Variants in ZNF429 observed in about 807,000 individuals in gnomAD.
ZNF429 encodes the protein zinc finger protein 429.
In ZNF429, 53 loss-of-function variants were observed where a neutral mutation model predicts 56.8. The observed-to-expected ratio is 0.93, with a 90% confidence interval of 0.75 to 1.17. The LOEUF (loss-of-function observed/expected upper bound fraction) is 1.17. Ranked by LOEUF, ZNF429 falls within the 50% of genes most tolerant of loss-of-function variation. ZNF429 has a pLI of 0.00. For synonymous variants in ZNF429, 278 were observed against 264.7 expected (o/e 1.05, Z -0.49); for missense variants, 849 against 788.4 (o/e 1.08, Z -0.92).
At chr19:21,507,851 C>T (rs1008055984) in intron 1 of ZNF429, among the ~76,000 whole-genome samples, 11 of 152,246 alleles carry the variant, frequency 7.2e-5, no homozygotes, top group African/African-American at 2.2e-4. Context: ...TCACCCAGCC[C>T]GACTTTCCTT....
intron 1 of ZNF429, among the ~76,000 whole-genome samples, chr19:21,508,270 A>G (rs2032282347): frequency 6.6e-6 from 1 of 152,100 alleles, no homozygotes; most frequent in Non-Finnish European, 1.5e-5. Flanking sequence ...TGATATCTCA[A>G]AAGACAAAAG....
At chr19:21,506,246 TC>T (rs1393185396) in intron 1 of ZNF429, among the ~76,000 whole-genome samples, 1 of 151,968 alleles carries the variant, frequency 6.6e-6, no homozygotes, top group Non-Finnish European at 1.5e-5. Flanking sequence ...ATCACTGAGG[TC>T]CGGCATTCGA....
chr19:21,517,310 C>G (rs2032790281), intron 1 of ZNF429, among the ~76,000 whole-genome samples: 1 of 152,172 alleles, frequency 6.6e-6, no homozygotes. Flanking sequence ...AGCAGATTAG[C>G]TTGTTGATGT....
rs200312692 is a variant in ZNF429 at position 21,537,430 on chromosome 19, C to T, written c.1377C>T (p.Gly459=). Residue 459 remains glycine (G), a synonymous_variant, in exon 4 of 4, where the codon GGC becomes GGT. Coordinates refer to ENST00000358491, the MANE Select transcript of ZNF429 (RefSeq NM_001001415.4). ...AACCCTATAAATGTAACGAATGTGG[C>T]AAAGCTTTTAACCGGTCCTCACACC... The part of the protein sequence containing the change: ...EEKPYKCNEC[G]KAFNRSSHLT... 1.2e-6 allele frequency: 2 copies of T among 1,613,606 alleles called. No individual in the cohort carries two copies. The highest frequency in any genetic ancestry group is 4.5e-5 in the East Asian group (2 of 44,842).
intron 3 of ZNF429, among the ~76,000 whole-genome samples, chr19:21,535,420 CTTTCTTTCTTTCTTTCTTTCT>C: frequency 0.045 from 285 of 6,344 alleles, 50 homozygotes; most frequent in Middle Eastern, 0.25. Context: ...TCTTTTCTTT[CTTTCTTTCTTTCTTTCTTTCT>C]TTCTTTCTTT....
At chr19:21,517,529 A>C (rs1368777007) in intron 1 of ZNF429, among the ~76,000 whole-genome samples, 3 of 152,030 alleles carry the variant, frequency 2.0e-5, no homozygotes, top group Admixed American at 6.5e-5. Context: ...TTCTTTGTAC[A>C]TCTAGTAGAA....
intron 1 of ZNF429, among the ~76,000 whole-genome samples, chr19:21,511,726 G>C (rs1478335471): frequency 6.6e-6 from 1 of 151,870 alleles, no homozygotes. Context: ...CAAGGCAGGC[G>C]GCTGGAAGGT....
At chr19:21,520,278 C>T (rs866786886) in intron 1 of ZNF429, among the ~76,000 whole-genome samples, 5 of 152,164 alleles carry the variant, frequency 3.3e-5, no homozygotes, top group Non-Finnish European at 5.9e-5. Context: ...CCAGTGTCTC[C>T]TAAAATTCAG....
intron 1 of ZNF429, among the ~76,000 whole-genome samples, chr19:21,511,820 A>G (rs958148960): frequency 2.6e-5 from 4 of 152,162 alleles, no homozygotes; most frequent in African/African-American, 4.8e-5. Flanking sequence ...TCCTTCTGCA[A>G]TCCCGGCACC....
intron 1 of ZNF429, among the ~76,000 whole-genome samples, chr19:21,515,061 C>T (rs1178931772): frequency 6.6e-6 from 1 of 152,116 alleles, no homozygotes; most frequent in Non-Finnish European, 1.5e-5. Flanking sequence ...CTGCCTCAGC[C>T]TCCCAAGTAG....
rs35176838 is a variant in ZNF429 at position 21,529,613 on chromosome 19, TTC to T, written c.4-37_4-36del. 6.3e-6 allele frequency: 9 copies of T among 1,426,036 alleles called. No homozygotes were observed. The East Asian group carries it at 1.6e-4, about 25-fold the overall frequency. The allele number at this position is 1,426,036 out of a possible 1,614,324, so 88.3% of individuals were successfully genotyped here. A position where few individuals can be genotyped will look rare whatever the true frequency, so the allele number is the denominator to read the frequency against. ...ACCCATGGGCACTTGGTCAATATAT[TTC>T]TCTCTCTTTCTCTCTCCTTCTGTTG... On this transcript the variant is annotated intron_variant, in intron 1 of 3. Coordinates refer to ENST00000358491, the MANE Select transcript of ZNF429 (RefSeq NM_001001415.4).
chr19:21,520,022 GTT>G (rs967944937), intron 1 of ZNF429, among the ~76,000 whole-genome samples: 1 of 151,890 alleles, frequency 6.6e-6, no homozygotes, highest in African/African-American at 2.4e-5. Context: ...TGTTTGGCTG[GTT>G]TTTGTTTGTA....
Position 21,540,469 on chromosome 19 carries a change from A to T in ZNF429, c.*2391A>T, listed in dbSNP as rs533070776. On this transcript the variant is annotated 3_prime_UTR_variant, in exon 4 of 4. Coordinates refer to ENST00000358491, the MANE Select transcript of ZNF429 (RefSeq NM_001001415.4). ...ATCTGGCATATTTTGATAGAGGCAT[A>T]CAATATGTAATAATTACATCAATTA... is the stretch of plus-strand genomic sequence containing the variant. Among the ~76,000 whole-genome samples, 3 of 152,220 alleles carry T rather than the reference A, an allele frequency of 2.0e-5. No individual in the cohort carries two copies. The highest frequency in any genetic ancestry group is 7.2e-5 in the African/African-American group (3 of 41,560).
At chr19:21,525,709 C>A (rs2033139245) in intron 1 of ZNF429, among the ~76,000 whole-genome samples, 2 of 147,724 alleles carry the variant, frequency 1.4e-5, no homozygotes, top group Non-Finnish European at 3.0e-5. Flanking sequence ...TCCTGCAGAT[C>A]CAGTAGTTGC....
intron 1 of ZNF429, among the ~76,000 whole-genome samples, chr19:21,508,654 A>G (rs923916897): frequency 1.3e-5 from 2 of 151,568 alleles, no homozygotes; most frequent in Admixed American, 1.3e-4. Context: ...AAAAATTCTC[A>G]TGTACCTTTT....
chr19:21,533,848 G>T, intron 3 of ZNF429, among the ~76,000 whole-genome samples: 1 of 151,778 alleles, frequency 6.6e-6, no homozygotes, highest in Non-Finnish European at 1.5e-5. Context: ...TAGAGATGGG[G>T]TTTCCCCATG....
chr19:21,516,187 G>A (rs1182271723), intron 1 of ZNF429, among the ~76,000 whole-genome samples: 1 of 151,978 alleles, frequency 6.6e-6, no homozygotes, highest in East Asian at 1.9e-4. Context: ...TCCTGCCTCA[G>A]CCCCCCAAGT....
intron 1 of ZNF429, among the ~76,000 whole-genome samples, chr19:21,514,514 T>C (rs961294756): frequency 6.6e-6 from 1 of 152,138 alleles, no homozygotes; most frequent in African/African-American, 2.4e-5. Flanking sequence ...ATGATCTTGT[T>C]CTTTTTTTTT....
chr19:21,535,412 T>TTC lies in ZNF429; in HGVS notation c.227-867_227-866insCT. Among the ~76,000 whole-genome samples the TTC allele has an allele frequency of 1.1e-4, 6 of 55,354 alleles. 2 individuals carry two copies. Among genetic ancestry groups the TTC allele is most frequent in the African/African-American group, 5.9e-4 (6 of 10,162 alleles). 36.3% of individuals were successfully genotyped at this position (55,354 alleles called of 152,430 possible). On this transcript the variant is annotated intron_variant, in intron 3 of 3. Coordinates refer to ENST00000358491, the MANE Select transcript of ZNF429 (RefSeq NM_001001415.4). ...TTCTTTCTTTCTTTCTTTCTTTTTC[T>TTC]TTTCTTTCTTTCTTTCTTTCTTTCT...
Sources: allele counts gnomAD v4.1 joint callset (sites outside exome capture counted in the v4.1 genomes callset), GRCh38; gene constraint gnomAD v4.1.1; transcripts MANE v1.5; gene names NCBI Gene and HGNC (gene_info 2026-07-23, HGNC 2026-07-21).